Variants in GRXCR1 observed in about 807,000 individuals in gnomAD.
GRXCR1 encodes glutaredoxin and cysteine rich domain containing 1, also known as glutaredoxin domain-containing cysteine-rich protein 1.
A neutral mutation model predicts 27.3 loss-of-function variants in GRXCR1; 27 were observed. The observed-to-expected ratio is 0.99, with a 90% confidence interval of 0.73 to 1.37. The LOEUF is 1.37. Ranked by LOEUF, GRXCR1 falls within the 40% of genes most tolerant of loss-of-function variation. The pLI is 0.00. For missense variants in GRXCR1, 379 were observed against 354.4 expected, an observed-to-expected ratio of 1.07 and a Z score of -0.56; for synonymous variants, 122 against 131.1, an observed-to-expected ratio of 0.93 and a Z score of 0.47.
chr4:42,980,229 A>G (rs546169249), intron 2 of GRXCR1, among the ~76,000 whole-genome samples: 4 of 150,804 alleles, frequency 2.7e-5, no homozygotes, highest in Non-Finnish European at 5.9e-5. Flanking sequence ...GAAGTGTAAC[A>G]TTAGGTTGTT....
chr4:42,964,601 C>T (rs949071755), intron 2 of GRXCR1, among the ~76,000 whole-genome samples: 20 of 152,010 alleles, frequency 1.3e-4, no homozygotes, highest in African/African-American at 4.8e-4. Context: ...TTCCTTTGCT[C>T]CAAGTGACAG....
chr4:42,952,379 G>A (rs1288483852), intron 1 of GRXCR1, among the ~76,000 whole-genome samples: 2 of 152,012 alleles, frequency 1.3e-5, no homozygotes, highest in Non-Finnish European at 2.9e-5. Flanking sequence ...CACCACCTGG[G>A]GGATTGAGGC....
chr4:42,904,572 T>C (rs1015562604), intron 1 of GRXCR1, among the ~76,000 whole-genome samples: 5 of 152,234 alleles, frequency 3.3e-5, no homozygotes, highest in African/African-American at 9.6e-5. Context: ...ACTTATCTTC[T>C]ATAAATCTTA....
chr4:42,905,797 A>T (rs533292750), intron 1 of GRXCR1, among the ~76,000 whole-genome samples: 1 of 152,258 alleles, frequency 6.6e-6, no homozygotes. Flanking sequence ...GTTTCATGTG[A>T]TCGTTCCTTG....
intron 1 of GRXCR1, among the ~76,000 whole-genome samples, chr4:42,943,856 C>G (rs1342073583): frequency 6.6e-6 from 1 of 151,856 alleles, no homozygotes; most frequent in African/African-American, 2.4e-5. Context: ...CCACTGCTAT[C>G]TAATGGGTAG....
chr4:42,977,285 G>A (rs913458146), intron 2 of GRXCR1, among the ~76,000 whole-genome samples: 1 of 151,972 alleles, frequency 6.6e-6, no homozygotes, highest in East Asian at 1.9e-4. Flanking sequence ...ACAAGGGAGT[G>A]TAGATATCTC....
At chr4:42,943,235 T>A (rs1299862955) in intron 1 of GRXCR1, among the ~76,000 whole-genome samples, 1 of 152,124 alleles carries the variant, frequency 6.6e-6, no homozygotes, top group African/African-American at 2.4e-5. Context: ...GCCTGATGCA[T>A]AGTTAATTGT....
At chr4:42,976,537 C>T (rs1383148758) in intron 2 of GRXCR1, among the ~76,000 whole-genome samples, 1 of 151,844 alleles carries the variant, frequency 6.6e-6, no homozygotes, top group African/African-American at 2.4e-5. Flanking sequence ...ATGATCACAC[C>T]CACGAAACCA....
chr4:42,993,035 T>A (rs1712025023), intron 2 of GRXCR1, among the ~76,000 whole-genome samples: 1 of 152,144 alleles, frequency 6.6e-6, no homozygotes, highest in Non-Finnish European at 1.5e-5. Flanking sequence ...AGATCTGAAA[T>A]GGCAAATGCT....
At chr4:43,022,998 A>C (rs530927205) in intron 3 of GRXCR1, among the ~76,000 whole-genome samples, 4 of 152,190 alleles carry the variant, frequency 2.6e-5, no homozygotes, top group Non-Finnish European at 5.9e-5. Context: ...TTAGGTAGTC[A>C]GTATTTGATT....
chr4:42,944,685 C>T, intron 1 of GRXCR1, among the ~76,000 whole-genome samples: 1 of 152,068 alleles, frequency 6.6e-6, no homozygotes, highest in African/African-American at 2.4e-5. Context: ...ATTCTTAATA[C>T]TGTGTGTACC....
chr4:42,978,124 A>G (rs1748566326), intron 2 of GRXCR1, among the ~76,000 whole-genome samples: 1 of 151,952 alleles, frequency 6.6e-6, no homozygotes, highest in South Asian at 2.1e-4. Context: ...GTGTGGATTT[A>G]TTTCTGGCCT....
intron 2 of GRXCR1, among the ~76,000 whole-genome samples, chr4:43,019,501 G>A: frequency 6.6e-6 from 1 of 152,144 alleles, no homozygotes; most frequent in East Asian, 1.9e-4. Context: ...CTAGGACACA[G>A]TGACAACAAG....
Position 42,910,569 on chromosome 4 carries a change from A to T in GRXCR1, c.384+16919A>T, listed in dbSNP as rs138719461. Among the ~76,000 whole-genome samples the T allele has an allele frequency of 3.8e-3, 584 of 152,286 alleles. 2 individuals are homozygous for T. The highest frequency in any genetic ancestry group is 5.4e-3 in the Non-Finnish European group (365 of 68,018). On this transcript the variant is annotated intron_variant, in intron 1 of 3. Coordinates refer to ENST00000399770, the MANE Select transcript of GRXCR1 (RefSeq NM_001080476.3). ...GGATAGAAAATAAATGATTCAGGTC[A>T]TAAGCTCTCAGCAAGTTTCTATTAG...
chr4:42,982,554 C>A (rs1346677319), intron 2 of GRXCR1, among the ~76,000 whole-genome samples: 40 of 119,060 alleles, frequency 3.4e-4, no homozygotes, highest in African/African-American at 1.3e-3. Context: ...GATTTATAGT[C>A]CTTTGGGTAT....
chr4:42,901,341 G>A (rs1746456456), intron 1 of GRXCR1, among the ~76,000 whole-genome samples: 1 of 152,078 alleles, frequency 6.6e-6, no homozygotes, highest in Admixed American at 6.6e-5. Flanking sequence ...TGATTGTAAT[G>A]GGACCAAAAT....
chr4:42,950,311 G>A (rs548449443), intron 1 of GRXCR1, among the ~76,000 whole-genome samples: 19 of 152,136 alleles, frequency 1.2e-4, no homozygotes, highest in African/African-American at 4.6e-4. Context: ...ACAAATAAGA[G>A]GAAAAATATT....
intron 1 of GRXCR1, among the ~76,000 whole-genome samples, chr4:42,898,778 A>G (rs528689451): frequency 6.6e-6 from 1 of 151,688 alleles, no homozygotes; most frequent in Middle Eastern, 3.2e-3. Context: ...AGGATTTAAA[A>G]TGTTATGTAT....
intron 2 of GRXCR1, among the ~76,000 whole-genome samples, chr4:42,975,456 A>G (rs969977709): frequency 6.6e-6 from 1 of 152,086 alleles, no homozygotes; most frequent in Non-Finnish European, 1.5e-5. Context: ...CAGCCCAATG[A>G]TTAATTAATA....
Sources: allele counts gnomAD v4.1 joint callset (sites outside exome capture counted in the v4.1 genomes callset), GRCh38; gene constraint gnomAD v4.1.1; transcripts MANE v1.5; gene names NCBI Gene and HGNC (gene_info 2026-07-23, HGNC 2026-07-21).